Variants in BUD13 observed in about 807,000 individuals in gnomAD.
The protein encoded by BUD13 is BUD13 spliceosome associated protein.
Under a neutral mutation model 62.5 loss-of-function variants are expected in BUD13, and 47 were observed. The ratio of observed to expected loss-of-function variants is 0.75; its 90% CI spans 0.60 to 0.96. The LOEUF is 0.96. BUD13 is among the 40% of genes least tolerant of loss of function. The pLI, the probability that BUD13 is intolerant of heterozygous loss-of-function variation, is 0.00. For synonymous variants in BUD13, 293 were observed against 280.1 expected, an observed-to-expected ratio of 1.05 and a Z score of -0.46; for missense variants, 821 against 790.9, an observed-to-expected ratio of 1.04 and a Z score of -0.46.
At chr11:116,760,645 C>T (rs1940411851) in intron 5 of BUD13, 90 bp downstream of exon 5, 2 of 1,394,266 alleles carry the variant, frequency 1.4e-6, no homozygotes, top group East Asian at 4.6e-5. Context: ...GAGCTACATC[C>T]TTCTTCTTGG....
intron 6 of BUD13, among the ~76,000 whole-genome samples, chr11:116,758,656 T>G (rs1405696274): frequency 6.7e-6 from 1 of 150,316 alleles, no homozygotes; most frequent in Non-Finnish European, 1.5e-5. Context: ...GGCGCGATCT[T>G]GGCTCACTGC....
In BUD13 at chr11:116,757,755, AG is replaced by A; in HGVS notation, c.1684+10del. ...AAGTCACCTCCAGCTGATGATTCCC[AG>A]AAGTCCCACCTTTTTTATTCTTGTT... On this transcript the variant is annotated intron_variant, in intron 8 of 9. Coordinates refer to ENST00000260210, the MANE Select transcript of BUD13 (RefSeq NM_032725.4). 1 of 1,603,404 alleles carries A rather than the reference AG, an allele frequency of 6.2e-7. No homozygotes were observed. Among genetic ancestry groups the A allele is most frequent in the Non-Finnish European group, 8.5e-7 (1 of 1,176,460 alleles).
At position 116,757,928 on chromosome 11, in the gene BUD13, G is replaced by A; in HGVS notation, c.1522C>T (p.Gln508Ter). The A allele has an allele frequency of 6.2e-7, 1 of 1,613,964 alleles. No homozygotes were observed. Among genetic ancestry groups the A allele is most frequent in the Non-Finnish European group, 8.5e-7 (1 of 1,180,010 alleles). The change falls in exon 8 of 10, where the codon CAA (glutamine) becomes TAA (stop). Residue 508 changes from glutamine (Q) to a stop codon, truncating the protein, a stop_gained. Coordinates refer to ENST00000260210, the MANE Select transcript of BUD13 (RefSeq NM_032725.4). LOFTEE classifies it high-confidence loss of function. ...GKGLAQSRQQ[Q>*]QNVEDAMKEM... ...TTCATTGCATCCTCCACATTTTGTTGCTGTTGCCGGCTCTGGGCAAGCCTG... is the reference window on the plus strand; with the variant it reads ...TTCATTGCATCCTCCACATTTTGTTACTGTTGCCGGCTCTGGGCAAGCCTG...
chr11:116,767,590 CAAAAAAAA>C (rs57036085), intron 2 of BUD13, among the ~76,000 whole-genome samples: 1 of 80,706 alleles, frequency 1.2e-5, no homozygotes, highest in Non-Finnish European at 2.3e-5. Flanking sequence ...GAGACTCCAC[CAAAAAAAA>C]AAAAAAAAAA....
In BUD13 at chr11:116,760,885, C is replaced by T; in HGVS notation, c.1104G>A (p.Gln368=). Residue 368 remains glutamine, a synonymous_variant, in exon 5 of 10, where the codon CAG becomes CAA. Transcript: ENST00000260210. ...GAGGTGACAGATCTGAATCAGAATC[C>T]TGGTGCCCTGGACTTTGTTTATGCC... ...SPRHKQSPGH[Q]DSDSDLSPPR... 6.2e-7 allele frequency: 1 copy of T among 1,614,066 alleles called. No individual in the cohort carries two copies. Among genetic ancestry groups the T allele is most frequent in the Non-Finnish European group, 8.5e-7 (1 of 1,179,982 alleles).
At chr11:116,764,034 G>A (rs1940485136) in intron 3 of BUD13, among the ~76,000 whole-genome samples, 2 of 152,164 alleles carry the variant, frequency 1.3e-5, no homozygotes, top group Non-Finnish European at 2.9e-5. Context: ...AAGTCATATT[G>A]CTAATAAGTG....
In BUD13 at chr11:116,762,725, A is replaced by G. The variant is rs1841574987; in HGVS notation, c.864T>C (p.Gly288=). Residue 288 remains glycine (G), a synonymous_variant, in exon 4 of 10, where the codon GGT becomes GGC. Coordinates refer to ENST00000260210, the MANE Select transcript of BUD13 (RefSeq NM_032725.4). ...VTYSLPRTKS[G]KAPERASSKT... is the part of the protein sequence containing the mutation. ...TGCTAGAGGCTCTTTCTGGGGCTTT[A>G]CCACTTTTGGTTCTGGGCAGGGAAT... 1.2e-6 allele frequency: 2 copies of G among 1,614,152 alleles called. No individual in the cohort carries two copies. Among genetic ancestry groups the G allele is most frequent in the Non-Finnish European group, 1.7e-6 (2 of 1,180,012 alleles).
At position 116,758,361 on chromosome 11, in the gene BUD13, A is replaced by G; in HGVS notation, c.1407T>C (p.Arg469=). 6.2e-7 allele frequency: 1 copy of G among 1,614,028 alleles called. No individual in the cohort carries two copies. Among genetic ancestry groups the G allele is most frequent in the Non-Finnish European group, 8.5e-7 (1 of 1,180,018 alleles). ...AACGTTCGAGTTTCAAATTCCTCTT[A>G]CGACCAGACTTATCTCGAAATACGG... ...AETVFRDKSG[R]KRNLKLERLE... is the part of the protein sequence containing the mutation. The change falls in exon 7 of 10, where the codon CGT becomes CGC. Residue 469 remains arginine (R), a synonymous_variant. Coordinates refer to ENST00000260210, the MANE Select transcript of BUD13 (RefSeq NM_032725.4).
chr11:116,772,776 G>A (rs1252305193), intron 1 of BUD13, 46 bp downstream of exon 1: 1 of 1,475,898 alleles, frequency 6.8e-7, no homozygotes, highest in African/African-American at 1.5e-5. Flanking sequence ...AGTTGGGAAG[G>A]GGTGGCTAGA....
Position 116,748,231 on chromosome 11 carries a change from C to T in BUD13, c.*251G>A, listed in dbSNP as rs1940174148. 2.3e-6 allele frequency: 1 copy of T among 432,400 alleles called. No individual in the cohort carries two copies. Among genetic ancestry groups the T allele is most frequent in the Admixed American group, 4.0e-5 (1 of 25,092 alleles). The allele number at this position is 432,400 out of a possible 1,614,324, so 26.8% of individuals were successfully genotyped here. ...AGAAAAAGAAAAACCCTACCAAGAA[C>T]AAACCCTGGTCAATGAGAAATCAAT... On this transcript the variant is annotated 3_prime_UTR_variant, in exon 10 of 10. Coordinates refer to ENST00000260210, the MANE Select transcript of BUD13 (RefSeq NM_032725.4).
At position 116,765,459 on chromosome 11, in the gene BUD13, A is replaced by G. The variant is rs554812412; in HGVS notation, c.238-13T>C. On this transcript the variant is annotated splice_polypyrimidine_tract_variant and intron_variant, in intron 2 of 9. Transcript: ENST00000260210. The stretch of plus-strand genomic sequence containing the variant: ...CAAACTCTGCCACCTGTGAGAGTAA[A>G]GATTTCCTATCTTAGGAAATCCACA... 19 of 1,613,910 alleles carry G rather than the reference A, an allele frequency of 1.2e-5. No individual in the cohort carries two copies. Among genetic ancestry groups the G allele is most frequent in the Non-Finnish European group, 1.5e-5 (18 of 1,179,904 alleles).
Position 116,748,723 on chromosome 11 carries a change from C to T in BUD13, c.1767-148G>A, listed in dbSNP as rs1051305139. 4.3e-5 allele frequency: 35 copies of T among 821,554 alleles called. No homozygotes were observed. The East Asian group carries it at 8.9e-4, about 21-fold the overall frequency. 50.9% of individuals were successfully genotyped at this position (821,554 alleles called of 1,614,324 possible). A position where few individuals can be genotyped will look rare whatever the true frequency, so the allele number is the denominator to read the frequency against. On this transcript the variant is annotated intron_variant, in intron 9 of 9. Transcript: ENST00000260210. ...TTAGGCATGGCCGGGCACGGCGGCT[C>T]ACGCCTGTAATCCCAGCACTTTGGG...
rs1940413703 is a variant in BUD13 at position 116,760,721 on chromosome 11, CT to C, written c.1254+13del. 1 of 1,613,658 alleles carries C rather than the reference CT, an allele frequency of 6.2e-7. No homozygotes were observed. The highest frequency in any genetic ancestry group is 8.5e-7 in the Non-Finnish European group (1 of 1,179,576). On this transcript the variant is annotated intron_variant, in intron 5 of 9. Transcript: ENST00000260210. ...TCACACGAAAAGAAGGACATGGCTC[CT>C]GAAAATCCTGACCTTCTTTCCAGGA...
At chr11:116,758,159 T>G in intron 7 of BUD13, 110 bp downstream of exon 7, 1 of 1,504,504 alleles carries the variant, frequency 6.6e-7, no homozygotes, top group South Asian at 1.3e-5. Flanking sequence ...AATTTCCCAT[T>G]ACTGATAACA....
chr11:116,766,010 T>C (rs1220859885), intron 2 of BUD13, among the ~76,000 whole-genome samples: 2 of 152,222 alleles, frequency 1.3e-5, no homozygotes, highest in African/African-American at 4.8e-5. Context: ...TCTATAGTAT[T>C]CCTAATAAGT....
At chr11:116,748,663 A>G (rs1940180760) in intron 9 of BUD13, 88 bp from the exon 10 acceptor site, 11 of 1,282,186 alleles carry the variant, frequency 8.6e-6, no homozygotes, top group Admixed American at 1.8e-5. Context: ...AATATAATGA[A>G]AAGGGGGGAA....
chr11:116,769,648 G>A lies in BUD13; in HGVS notation c.237+481C>T, dbSNP rs143889178. ...ACCCTCCATAAAGAGACAAGTTGGT[G>A]TATAGGCATCAGCAAAGAAAACTAT... is the stretch of plus-strand genomic sequence containing the variant. On this transcript the variant is annotated intron_variant, in intron 2 of 9. Transcript: ENST00000260210. Among the ~76,000 whole-genome samples the A allele has an allele frequency of 3.3e-5, 5 of 152,310 alleles. No homozygotes were observed. In the East Asian group the frequency reaches 5.8e-4, roughly 18 times the overall value.
At position 116,758,251 on chromosome 11, in the gene BUD13, T is replaced by C. The variant is rs1197225429; in HGVS notation, c.1499+18A>G. On this transcript the variant is annotated intron_variant, in intron 7 of 9. Coordinates refer to ENST00000260210, the MANE Select transcript of BUD13 (RefSeq NM_032725.4). ...CCAGTCACTGCCATCTTGTTTACCC[T>C]TTCAGTGGTTCCCTTACCCTTTTCC... 1 of 1,613,592 alleles carries C rather than the reference T, an allele frequency of 6.2e-7. No homozygotes were observed. Among genetic ancestry groups the C allele is most frequent in the Admixed American group, 1.7e-5 (1 of 59,940 alleles).
At position 116,759,092 on chromosome 11, in the gene BUD13, C is replaced by T; in HGVS notation, c.1342G>A (p.Glu448Lys). The T allele has an allele frequency of 6.2e-7, 1 of 1,613,452 alleles. No homozygotes were observed. The highest frequency in any genetic ancestry group is 1.3e-5 in the African/African-American group (1 of 74,882). ...TTTTTACCTTCAAATGCCATGGTTT[C>T]TTGATCCTGTTCCTTGAGCTCCTGC... ...EQQELKEQDQETMAFEAEFQY... is the reference protein window; with the variant it reads ...EQQELKEQDQKTMAFEAEFQY... Residue 448 changes from glutamate to lysine, a missense_variant, in exon 6 of 10, where the codon GAA (glutamate) becomes AAA (lysine). Transcript: ENST00000260210.
Sources: gnomAD v4.1 joint callset for allele counts (sites outside exome capture counted in the v4.1 genomes callset) on GRCh38, gnomAD v4.1.1 for gene constraint, MANE v1.5 for transcripts, NCBI Gene and HGNC (gene_info 2026-07-23, HGNC 2026-07-21) for gene names.